Variants in WDR73 observed in about 807,000 individuals in gnomAD.
The protein encoded by WDR73 is WD repeat domain 73, also known as integrator complex assembly factor WDR73.
Under a neutral mutation model 38.2 loss-of-function variants are expected in WDR73, and 30 were observed. The ratio of observed to expected loss-of-function variants is 0.79; its 90% CI spans 0.59 to 1.06. The LOEUF is 1.06. Among genes scored for constraint, WDR73 ranks in the 50% least tolerant of loss-of-function variants. The probability of loss-of-function intolerance (pLI) is 0.00; values close to 1 mark genes in which losing one functional copy is unlikely to be tolerated. For synonymous variants in WDR73, 197 were observed against 176.0 expected (o/e 1.12, Z -0.94); for missense variants, 487 against 467.0 (o/e 1.04, Z -0.40).
chr15:84,650,388 G>A (rs1337747697), intron 3 of WDR73, among the ~76,000 whole-genome samples: 1 of 151,076 alleles, frequency 6.6e-6, no homozygotes, highest in Non-Finnish European at 1.5e-5. Context: ...TTGAGACGGA[G>A]TCTCACTCTG....
At chr15:84,643,949 T>C (rs1896357447) in intron 7 of WDR73, 1 of 451,644 alleles carries the variant, frequency 2.2e-6, no homozygotes. Context: ...CAAAACAGGC[T>C]ATTGGATGAG....
At chr15:84,653,217 G>C (rs1313821741) in intron 2 of WDR73, 2 of 201,778 alleles carry the variant, frequency 9.9e-6, no homozygotes, top group African/African-American at 2.3e-5. Context: ...AGCCACGCTG[G>C]AATACAGTGT....
At position 84,645,559 on chromosome 15, in the gene WDR73, G is replaced by A; in HGVS notation, c.795C>T (p.Val265=). 6.2e-7 allele frequency: 1 copy of A among 1,611,856 alleles called. No individual in the cohort carries two copies. Among genetic ancestry groups the A allele is most frequent in the Non-Finnish European group, 8.5e-7 (1 of 1,178,928 alleles). The change falls in exon 7 of 8, where the codon GTC becomes GTT. Residue 265 remains valine (V), a synonymous_variant. Coordinates refer to ENST00000434634, the MANE Select transcript of WDR73 (RefSeq NM_032856.5). ...GGCTAGGTACGGATACTGGGCACTGGACTGAGCTCACAGGATGGCAGAGAT... is the reference window on the plus strand; with the variant it reads ...GGCTAGGTACGGATACTGGGCACTGAACTGAGCTCACAGGATGGCAGAGAT... ...PRDLCHPVSS[V]QCPVSVPSPD... is the part of the protein sequence containing the mutation.
intron 3 of WDR73, among the ~76,000 whole-genome samples, chr15:84,650,019 G>A (rs1896575785): frequency 6.6e-6 from 1 of 152,134 alleles, no homozygotes; most frequent in South Asian, 2.1e-4. Context: ...GCCCTGGTAG[G>A]GTGGTCCTCA....
In WDR73 at chr15:84,643,474, C is replaced by CT; in HGVS notation, c.1132_1133insA (p.Arg378GlnfsTer12). On this transcript the variant is annotated frameshift_variant, in exon 8 of 8. Transcript: ENST00000434634. LOFTEE classifies it high-confidence loss of function. ...CTAGATGGAAAGATGCTGGTGTCAG[C>CT]GGGGGGCACAAAGGTCCACCCAGTC... 46 of 1,553,860 alleles carry CT rather than the reference C, an allele frequency of 3.0e-5. No homozygotes were observed. The highest frequency in any genetic ancestry group is 4.0e-5 in the Non-Finnish European group (46 of 1,148,448).
intron 2 of WDR73, 66 bp downstream of exon 2, chr15:84,653,566 C>T (rs913106174): frequency 1.5e-6 from 2 of 1,332,786 alleles, no homozygotes; most frequent in African/African-American, 1.5e-5. Flanking sequence ...TCCCTCTAGG[C>T]TTAGCTCCTG....
chr15:84,652,884 C>G (rs944523011), intron 2 of WDR73, 82 bp from the exon 3 acceptor site: 2 of 804,968 alleles, frequency 2.5e-6, no homozygotes, highest in Non-Finnish European at 3.9e-6. Context: ...AGGATACATT[C>G]CTTCACTGTG....
chr15:84,643,608 T>A lies in WDR73; in HGVS notation c.999A>T (p.Leu333=). The change falls in exon 8 of 8, where the codon CTA becomes CTT. Residue 333 remains leucine (L), a synonymous_variant. Transcript: ENST00000434634. ...GAGCAGGGTCCATCCCATTTCCATC[T>A]AGGAAGATGTGACCTCTGTGAGTGA... ...PLFTHRGHIF[L]DGNGMDPAPL... is the part of the protein sequence containing the mutation. The A allele has an allele frequency of 6.2e-7, 1 of 1,612,922 alleles. No homozygotes were observed. Among genetic ancestry groups the A allele is most frequent in the Non-Finnish European group, 8.5e-7 (1 of 1,179,472 alleles).
At chr15:84,652,868 G>A (rs576219887) in intron 2 of WDR73, 66 bp from the exon 3 acceptor site, 238 of 966,194 alleles carry the variant, frequency 2.5e-4, no homozygotes, top group Admixed American at 7.4e-4. Context: ...GCAATCCCCC[G>A]AAGTAAGGAT....
chr15:84,645,430 A>G (rs764518309), intron 7 of WDR73, 41 bp downstream of exon 7: 6 of 1,607,064 alleles, frequency 3.7e-6, no homozygotes, highest in Non-Finnish European at 4.2e-6. Context: ...CTCCTGGAAG[A>G]AAGAGATCAG....
rs753634831 is a variant in WDR73 at position 84,652,700 on chromosome 15, ATATTTT to A, written c.198+8_198+13del. On this transcript the variant is annotated splice_region_variant and intron_variant, in intron 3 of 7. Coordinates refer to ENST00000434634, the MANE Select transcript of WDR73 (RefSeq NM_032856.5). ...ATAAAAGTTGACATACTCAGCATTT[ATATTTT>A]AAGTTACCTTGTTTTCCTTTACAGA... 662 of 1,410,358 alleles carry A rather than the reference ATATTTT, an allele frequency of 4.7e-4. 5 individuals carry two copies. The Admixed American group carries it at 7.2e-3, about 15-fold the overall frequency. 87.4% of individuals were successfully genotyped at this position (1,410,358 alleles called of 1,614,324 possible). A position where few individuals can be genotyped will look rare whatever the true frequency, so the allele number is the denominator to read the frequency against.
chr15:84,653,041 T>C, intron 2 of WDR73: 1 of 388,476 alleles, frequency 2.6e-6, no homozygotes, highest in Non-Finnish European at 4.6e-6. Context: ...ACCACAGCCT[T>C]CAGAGTAGCT....
intron 3 of WDR73, among the ~76,000 whole-genome samples, chr15:84,649,241 C>T (rs532732816): frequency 1.3e-5 from 2 of 152,206 alleles, no homozygotes; most frequent in African/African-American, 4.8e-5. Context: ...CTAGGCTCTA[C>T]TATCTCCATG....
In WDR73 at chr15:84,641,935, A is replaced by T. The variant is rs1388276449; in HGVS notation, c.*1535T>A. 1 of 152,086 alleles carries T rather than the reference A, an allele frequency of 6.6e-6. No individual in the cohort carries two copies. The highest frequency in any genetic ancestry group is 1.5e-5 in the Non-Finnish European group (1 of 68,014). 9.4% of individuals were successfully genotyped at this position (152,086 alleles called of 1,614,324 possible). A position where few individuals can be genotyped will look rare whatever the true frequency, so the allele number is the denominator to read the frequency against. ...CTGATCTCGAACTCCTCCTGGACTC[A>T]AGCTATCCTCCCACCTCAGCCTCCC... On this transcript the variant is annotated 3_prime_UTR_variant, in exon 8 of 8. Transcript: ENST00000434634.
rs1596057578 is a variant in WDR73, at chr15:84,653,700, C to G, written c.42-1G>C. 6.3e-7 allele frequency: 1 copy of G among 1,587,252 alleles called. No homozygotes were observed. The highest frequency in any genetic ancestry group is 1.1e-5 in the South Asian group (1 of 86,960). On this transcript the variant is annotated splice_acceptor_variant, in intron 1 of 7. Coordinates refer to ENST00000434634, the MANE Select transcript of WDR73 (RefSeq NM_032856.5). LOFTEE classifies it high-confidence loss of function. ...GTCGAATGCATAGAAATCCTGGTAC[C>G]TGCACAAAAGGGACACAGAATCACA...
rs1186641591 is a variant in WDR73, at chr15:84,642,340, T to C, written c.*1130A>G. 1 of 112,264 alleles carries C rather than the reference T, an allele frequency of 8.9e-6. No homozygotes were observed. Among genetic ancestry groups the C allele is most frequent in the African/African-American group, 3.9e-5 (1 of 25,584 alleles). 7.0% of individuals were successfully genotyped at this position (112,264 alleles called of 1,614,324 possible). A position where few individuals can be genotyped will look rare whatever the true frequency, so the allele number is the denominator to read the frequency against. On this transcript the variant is annotated 3_prime_UTR_variant, in exon 8 of 8. Coordinates refer to ENST00000434634, the MANE Select transcript of WDR73 (RefSeq NM_032856.5). ...GGGTGACAGAGCAAGACTCCATCTCTACTACAAAAAAAAAAAAAAAAAAAA... is the reference window on the plus strand; with the variant it reads ...GGGTGACAGAGCAAGACTCCATCTCCACTACAAAAAAAAAAAAAAAAAAAA...
At chr15:84,652,267 T>C (rs1421166378) in intron 3 of WDR73, among the ~76,000 whole-genome samples, 1 of 152,202 alleles carries the variant, frequency 6.6e-6, no homozygotes, top group Non-Finnish European at 1.5e-5. Context: ...ATTGACCTTT[T>C]CTGAGATTCC....
intron 7 of WDR73, chr15:84,644,250 G>C (rs1288639292): frequency 6.4e-6 from 1 of 155,640 alleles, no homozygotes; most frequent in East Asian, 1.9e-4. Flanking sequence ...AGATGGCCTT[G>C]TCTCCTACTC....
Position 84,643,259 on chromosome 15 carries a change from T to G in WDR73, c.*211A>C. On this transcript the variant is annotated 3_prime_UTR_variant, in exon 8 of 8. Coordinates refer to ENST00000434634, the MANE Select transcript of WDR73 (RefSeq NM_032856.5). Reference sequence around the variant, plus strand: ...AGCTACCAAGTAATTATGCCATGCGTTTCTTCTAACCTTCGCAATATCACT... The same window carrying G: ...AGCTACCAAGTAATTATGCCATGCGGTTCTTCTAACCTTCGCAATATCACT... 1.7e-6 allele frequency: 1 copy of G among 597,948 alleles called. No individual in the cohort carries two copies. The highest frequency in any genetic ancestry group is 3.1e-5 in the Admixed American group (1 of 31,768). 37.0% of individuals were successfully genotyped at this position (597,948 alleles called of 1,614,324 possible).
Sources: gnomAD v4.1 joint callset for allele counts (sites outside exome capture counted in the v4.1 genomes callset) on GRCh38, gnomAD v4.1.1 for gene constraint, MANE v1.5 for transcripts, NCBI Gene and HGNC (gene_info 2026-07-23, HGNC 2026-07-21) for gene names.